WDR26: variants seen among roughly 807,000 people sequenced by gnomAD.
The protein encoded by WDR26 is WD repeat domain 26.
A neutral mutation model predicts 84.1 loss-of-function variants in WDR26; 5 were observed. The ratio of observed to expected loss-of-function variants is 0.06; its 90% CI spans 0.03 to 0.13. The LOEUF is 0.13. Among genes scored for constraint, WDR26 ranks in the 10% least tolerant of loss-of-function variants. The pLI is 1.00. For missense variants in WDR26, 642 were observed against 974.9 expected (o/e 0.66, Z 4.55); for synonymous variants, 415 against 389.6 (o/e 1.07, Z -0.77).
chr1:224,422,683 C>G (rs1674097674), intron 4 of WDR26, among the ~76,000 whole-genome samples: 1 of 148,826 alleles, frequency 6.7e-6, no homozygotes, highest in Non-Finnish European at 1.5e-5. Flanking sequence ...CATTGCACCC[C>G]AGCCTGGGTG....
intron 4 of WDR26, among the ~76,000 whole-genome samples, chr1:224,421,714 G>C (rs1180287400): frequency 2.0e-5 from 3 of 152,164 alleles, no homozygotes; most frequent in Non-Finnish European, 2.9e-5. Context: ...AGGACTGCTT[G>C]AGCACAGGAG....
At position 224,425,213 on chromosome 1, in the gene WDR26, C is replaced by T. The variant is rs911761710; in HGVS notation, c.928-559G>A. On this transcript the variant is annotated intron_variant, in intron 3 of 13. Transcript: ENST00000414423. Reference sequence around the variant, plus strand: ...GGCTTATCAAAAGTTAAGAGCTGTCCAACAAATGTACTACAAGTTGGTGTG... The same window carrying T: ...GGCTTATCAAAAGTTAAGAGCTGTCTAACAAATGTACTACAAGTTGGTGTG... Among the ~76,000 whole-genome samples, 4 of 152,166 alleles carry T rather than the reference C, an allele frequency of 2.6e-5. No individual in the cohort carries two copies. In the South Asian group the frequency reaches 8.3e-4, roughly 32 times the overall value.
chr1:224,409,717 G>A (rs1358855651), intron 7 of WDR26, among the ~76,000 whole-genome samples: 1 of 151,768 alleles, frequency 6.6e-6, no homozygotes, highest in South Asian at 2.1e-4. Context: ...GAAAAAATTA[G>A]CTGGGCGTCG....
At chr1:224,396,079 C>T (rs184831964) in intron 12 of WDR26, among the ~76,000 whole-genome samples, 3 of 152,218 alleles carry the variant, frequency 2.0e-5, no homozygotes, top group Admixed American at 6.5e-5. Context: ...ATAATATACT[C>T]GCTATATCTG....
At chr1:224,420,177 G>C (rs1261862896) in intron 4 of WDR26, among the ~76,000 whole-genome samples, 1 of 152,196 alleles carries the variant, frequency 6.6e-6, no homozygotes, top group Admixed American at 6.5e-5. Flanking sequence ...TCATCCTTGT[G>C]TCATCTTGTG....
At chr1:224,431,636 C>T in intron 2 of WDR26, 46 bp downstream of exon 2, 1 of 1,610,048 alleles carries the variant, frequency 6.2e-7, no homozygotes, top group Non-Finnish European at 8.5e-7. Context: ...CACATCAAAT[C>T]TGTAATTTTA....
chr1:224,408,416 T>C (rs34906880), intron 7 of WDR26, among the ~76,000 whole-genome samples: 26,612 of 152,174 alleles, frequency 0.17, 3,096 homozygotes, highest in East Asian at 0.5. Flanking sequence ...CAACAGGTGT[T>C]TAATAAATAC....
At position 224,387,420 on chromosome 1, in the gene WDR26, A is replaced by C. The variant is rs1167195464; in HGVS notation, c.*2415T>G. ...CAGTATGTACAGGAAGCTGCCAGTT[A>C]AGACAGACCCGGAAAACAAACTCAC... On this transcript the variant is annotated 3_prime_UTR_variant, in exon 14 of 14. Coordinates refer to ENST00000414423, the MANE Select transcript of WDR26 (RefSeq NM_001379403.1). 5 of 152,758 alleles carry C rather than the reference A, an allele frequency of 3.3e-5. No homozygotes were observed. The highest frequency in any genetic ancestry group is 2.1e-4 in the South Asian group (1 of 4,830). 9.5% of individuals were successfully genotyped at this position (152,758 alleles called of 1,614,324 possible).
intron 12 of WDR26, among the ~76,000 whole-genome samples, chr1:224,396,420 T>G (rs1257310459): frequency 6.6e-6 from 1 of 152,080 alleles, no homozygotes; most frequent in Non-Finnish European, 1.5e-5. Context: ...CAGGAGGAAT[T>G]TAAAAGCAAG....
Position 224,399,017 on chromosome 1 carries a change from G to A in WDR26, c.1737C>T (p.Leu579=). The A allele has an allele frequency of 6.4e-7, 1 of 1,566,768 alleles. No individual in the cohort carries two copies. The highest frequency in any genetic ancestry group is 8.6e-7 in the Non-Finnish European group (1 of 1,163,576). The change falls in exon 10 of 14, where the codon CTC becomes CTT. Residue 579 remains leucine, a synonymous_variant. Transcript: ENST00000414423. ...CTCTTACCCCTTCCCAGGAGTCAAG[G>A]AGATTACCATCTAAGTCCTGAGTAA... is the stretch of plus-strand genomic sequence containing the variant.
chr1:224,411,631 T>G, intron 6 of WDR26, 66 bp from the exon 7 acceptor site: 1 of 1,460,956 alleles, frequency 6.8e-7, no homozygotes, highest in East Asian at 2.5e-5. Context: ...TAAAAAAGGT[T>G]AAATAACTGA....
In WDR26 at chr1:224,431,598, A is replaced by G. The variant is rs900389305; in HGVS notation, c.823-17T>C. 2.5e-6 allele frequency: 4 copies of G among 1,612,346 alleles called. No homozygotes were observed. The highest frequency in any genetic ancestry group is 2.2e-5 in the East Asian group (1 of 44,834). ...ATTTTCTGCCTGTAAAAATTGGTATAAAAGAAAAACAGAAATGTCACAAAA... is the reference window on the plus strand; with the variant it reads ...ATTTTCTGCCTGTAAAAATTGGTATGAAAGAAAAACAGAAATGTCACAAAA... On this transcript the variant is annotated splice_polypyrimidine_tract_variant and intron_variant, in intron 2 of 13. Coordinates refer to ENST00000414423, the MANE Select transcript of WDR26 (RefSeq NM_001379403.1).
At chr1:224,432,840 A>T (rs1474567516) in intron 1 of WDR26, among the ~76,000 whole-genome samples, 1 of 151,882 alleles carries the variant, frequency 6.6e-6, no homozygotes, top group Non-Finnish European at 1.5e-5. Context: ...CACCAATCCT[A>T]CCTTCCACCC....
At chr1:224,397,866 T>A (rs1673307518) in intron 12 of WDR26, 2 of 502,950 alleles carry the variant, frequency 4.0e-6, no homozygotes, top group East Asian at 7.8e-5. Flanking sequence ...CATGACAATA[T>A]GGAGGGCTTA....
intron 9 of WDR26, among the ~76,000 whole-genome samples, chr1:224,399,382 C>T (rs955905618): frequency 3.3e-5 from 5 of 152,166 alleles, no homozygotes; most frequent in African/African-American, 1.2e-4. Flanking sequence ...TTAAAATTCA[C>T]TATACTGGAA....
intron 4 of WDR26, among the ~76,000 whole-genome samples, chr1:224,423,701 T>C (rs1011388025): frequency 6.6e-6 from 1 of 152,224 alleles, no homozygotes; most frequent in Non-Finnish European, 1.5e-5. Context: ...TGATCTATGA[T>C]TGTGCCACTG....
At position 224,398,082 on chromosome 1, in the gene WDR26, A is replaced by T; in HGVS notation, c.2074+15T>A. On this transcript the variant is annotated intron_variant, in intron 12 of 13. Transcript: ENST00000414423. ...TTAATATCAACATATGTAAACTGATAAGGACACAATTTACCTTCACTGCCA... is the reference window on the plus strand; with the variant it reads ...TTAATATCAACATATGTAAACTGATTAGGACACAATTTACCTTCACTGCCA... 1 of 1,610,802 alleles carries T rather than the reference A, an allele frequency of 6.2e-7. No individual in the cohort carries two copies. The highest frequency in any genetic ancestry group is 8.5e-7 in the Non-Finnish European group (1 of 1,179,224).
Position 224,385,233 on chromosome 1 carries a change from T to C in WDR26, c.*4602A>G, listed in dbSNP as rs920216423. On this transcript the variant is annotated 3_prime_UTR_variant, in exon 14 of 14. Transcript: ENST00000414423. ...TGCGCACTGACATGGAAAAAGTGTC[T>C]TTAAAAAAAAATCCCAGTAAAGCAA... 12 of 152,312 alleles carry C rather than the reference T, an allele frequency of 7.9e-5. No homozygotes were observed. The South Asian group carries it at 1.0e-3, about 13-fold the overall frequency. The allele number at this position is 152,312 out of a possible 1,614,324, so 9.4% of individuals were successfully genotyped here. A position where few individuals can be genotyped will look rare whatever the true frequency, so the allele number is the denominator to read the frequency against.
In WDR26 at chr1:224,385,753, A is replaced by T. The variant is rs1572144137; in HGVS notation, c.*4082T>A. On this transcript the variant is annotated 3_prime_UTR_variant, in exon 14 of 14. Transcript: ENST00000414423. ...ACATTTTTTTCCATCTGTGCCTAAA[A>T]ATGTTACAATTCAGTTCTAGCACAT... 1 of 152,616 alleles carries T rather than the reference A, an allele frequency of 6.6e-6. No individual in the cohort carries two copies. Among genetic ancestry groups the T allele is most frequent in the East Asian group, 1.9e-4 (1 of 5,202 alleles). The allele number at this position is 152,616 out of a possible 1,614,324, so 9.5% of individuals were successfully genotyped here.
Sources: allele counts gnomAD v4.1 joint callset (sites outside exome capture counted in the v4.1 genomes callset), GRCh38; gene constraint gnomAD v4.1.1; transcripts MANE v1.5; gene names NCBI Gene and HGNC (gene_info 2026-07-23, HGNC 2026-07-21).